FAM184A: variants seen among roughly 807,000 people sequenced by gnomAD.
The protein encoded by FAM184A is protein FAM184A.
In FAM184A, 99 loss-of-function variants were observed where a neutral mutation model predicts 143.8. The ratio of observed to expected loss-of-function variants is 0.69; its 90% CI spans 0.58 to 0.81. The LOEUF is 0.81. Ranked by LOEUF, FAM184A falls within the 40% of genes least tolerant of loss-of-function variation. The pLI is 0.00. For synonymous variants in FAM184A, 427 were observed against 446.4 expected, an observed-to-expected ratio of 0.96 and a Z score of 0.55; for missense variants, 1,217 against 1,310.5, an observed-to-expected ratio of 0.93 and a Z score of 1.10.
At chr6:118,997,887 C>G (rs72970476) in intron 9 of FAM184A, among the ~76,000 whole-genome samples, 50,128 of 151,980 alleles carry the variant, frequency 0.33, 9,513 homozygotes, top group East Asian at 0.68. Context: ...TACTTACTAT[C>G]ATATTGGATA....
intron 1 of FAM184A, among the ~76,000 whole-genome samples, chr6:119,105,709 A>G (rs1322016880): frequency 6.6e-6 from 1 of 152,218 alleles, no homozygotes; most frequent in Non-Finnish European, 1.5e-5. Flanking sequence ...GCAAACAGGT[A>G]CCTTCAGTTT....
At chr6:118,999,785 G>A (rs1784689524) in intron 9 of FAM184A, among the ~76,000 whole-genome samples, 1 of 152,192 alleles carries the variant, frequency 6.6e-6, no homozygotes, top group Non-Finnish European at 1.5e-5. Context: ...GAGACTGCAA[G>A]TCATCAACAT....
chr6:119,128,156 A>G (rs554795362), intron 1 of FAM184A, among the ~76,000 whole-genome samples: 1 of 152,246 alleles, frequency 6.6e-6, no homozygotes, highest in African/African-American at 2.4e-5. Context: ...TGTAGCAGTA[A>G]GGTATGCAAA....
At position 118,960,806 on chromosome 6, in the gene FAM184A, T is replaced by C. The variant is rs757218006; in HGVS notation, c.3342-622A>G. The C allele has an allele frequency of 5.1e-6, 7 of 1,365,956 alleles. No individual in the cohort carries two copies. The South Asian group carries it at 8.0e-5, about 16-fold the overall frequency. 84.6% of individuals were successfully genotyped at this position (1,365,956 alleles called of 1,614,324 possible). A position where few individuals can be genotyped will look rare whatever the true frequency, so the allele number is the denominator to read the frequency against. ...AAATTACAAGGCACGCAACAATGTG[T>C]AATGGAAACTCCAGTAGTCATGTTC... On this transcript the variant is annotated intron_variant, in intron 17 of 17. Coordinates refer to ENST00000338891, the MANE Select transcript of FAM184A (RefSeq NM_024581.6).
intron 1 of FAM184A, among the ~76,000 whole-genome samples, chr6:119,119,131 A>G (rs1024624867): frequency 6.6e-6 from 1 of 152,202 alleles, no homozygotes; most frequent in African/African-American, 2.4e-5. Context: ...TTTTGGTCAG[A>G]CTGGTTGTCT....
intron 1 of FAM184A, among the ~76,000 whole-genome samples, chr6:119,138,563 T>G (rs908998317): frequency 1.3e-5 from 2 of 152,090 alleles, no homozygotes; most frequent in African/African-American, 4.8e-5. Flanking sequence ...TTCACCACTC[T>G]GACACACTCT....
At chr6:118,961,582 A>T (rs1176658125) in intron 17 of FAM184A, among the ~76,000 whole-genome samples, 179 bp downstream of exon 17, 1 of 152,072 alleles carries the variant, frequency 6.6e-6, no homozygotes, top group Non-Finnish European at 1.5e-5. Context: ...AATTAGAAAA[A>T]ATCTTTTTAA....
At chr6:119,068,688 G>A (rs1022900603) in intron 1 of FAM184A, among the ~76,000 whole-genome samples, 7 of 152,124 alleles carry the variant, frequency 4.6e-5, no homozygotes, top group African/African-American at 1.7e-4. Flanking sequence ...CTCTCCGGCT[G>A]CCCATGAGAA....
At chr6:119,144,446 C>G (rs6934752) in intron 1 of FAM184A, among the ~76,000 whole-genome samples, 44,600 of 152,074 alleles carry the variant, frequency 0.29, 7,088 homozygotes, top group East Asian at 0.53. Flanking sequence ...GCCTGGAAGC[C>G]GACAGCTCTG....
chr6:118,974,364 G>A, intron 14 of FAM184A, 64 bp downstream of exon 14: 1 of 1,448,122 alleles, frequency 6.9e-7, no homozygotes, highest in Non-Finnish European at 9.4e-7. Flanking sequence ...GCTAATCTGA[G>A]GTTAAACACA....
chr6:119,032,048 G>A (rs1785889165), intron 1 of FAM184A, among the ~76,000 whole-genome samples: 1 of 152,098 alleles, frequency 6.6e-6, no homozygotes, highest in African/African-American at 2.4e-5. Context: ...TAGGTGGGCG[G>A]ATTACCTGAG....
At chr6:119,016,406 C>T (rs561277707) in intron 5 of FAM184A, among the ~76,000 whole-genome samples, 18 of 152,294 alleles carry the variant, frequency 1.2e-4, no homozygotes, top group African/African-American at 4.3e-4. Context: ...CGAAGATCTG[C>T]AGCTTCACTC....
chr6:119,013,360 G>A (rs2797353), intron 5 of FAM184A, among the ~76,000 whole-genome samples: 4,144 of 152,208 alleles, frequency 0.027, 210 homozygotes, highest in African/African-American at 0.094. Flanking sequence ...TAATAGAGAG[G>A]AATAAAGGCT....
chr6:119,015,892 G>A (rs998409645), intron 5 of FAM184A, among the ~76,000 whole-genome samples: 13 of 152,140 alleles, frequency 8.5e-5, no homozygotes, highest in African/African-American at 2.7e-4. Flanking sequence ...TGCACCAATC[G>A]ACACTCTGTA....
At chr6:119,144,910 C>T (rs964242112) in intron 1 of FAM184A, among the ~76,000 whole-genome samples, 20 of 152,168 alleles carry the variant, frequency 1.3e-4, no homozygotes, top group Non-Finnish European at 2.2e-4. Flanking sequence ...TTAATGTCTG[C>T]AACTAATTCT....
intron 11 of FAM184A, among the ~76,000 whole-genome samples, chr6:118,976,663 CAAAAA>C (rs79157029): frequency 8.3e-6 from 1 of 120,706 alleles, no homozygotes. Flanking sequence ...GACTCCATCT[CAAAAA>C]AAAAAAAAAG....
chr6:119,059,843 C>T (rs1382799645), intron 1 of FAM184A, among the ~76,000 whole-genome samples: 6 of 152,082 alleles, frequency 3.9e-5, no homozygotes, highest in East Asian at 3.8e-4. Context: ...TATATATCTA[C>T]GCTCACAAGT....
chr6:118,979,874 T>C (rs1422414714), intron 10 of FAM184A, among the ~76,000 whole-genome samples: 2 of 138,154 alleles, frequency 1.4e-5, no homozygotes, highest in Non-Finnish European at 3.2e-5. Context: ...GAGACCCTGT[T>C]TCTACAAAAA....
At chr6:119,137,847 T>C (rs1341143776) in intron 1 of FAM184A, among the ~76,000 whole-genome samples, 2 of 152,206 alleles carry the variant, frequency 1.3e-5, no homozygotes, top group Non-Finnish European at 2.9e-5. Flanking sequence ...ATTACTATTC[T>C]GTAGTTCAGC....
Sources: allele counts gnomAD v4.1 joint callset (sites outside exome capture counted in the v4.1 genomes callset), GRCh38; gene constraint gnomAD v4.1.1; transcripts MANE v1.5; gene names NCBI Gene and HGNC (gene_info 2026-07-23, HGNC 2026-07-21).